PRAG1: variants seen among roughly 807,000 people sequenced by gnomAD.
PRAG1 encodes PEAK1 related, kinase-activating pseudokinase 1.
Under a neutral mutation model 95.6 loss-of-function variants are expected in PRAG1, and 110 were observed. The ratio of observed to expected loss-of-function variants is 1.15; its 90% CI spans 0.99 to 1.35. PRAG1 has a LOEUF of 1.35. PRAG1 is among the 40% of genes most tolerant of loss of function. The pLI is 0.00. For missense variants in PRAG1, 2,554 were observed against 1,864.7 expected, an observed-to-expected ratio of 1.37 and a Z score of -6.81; for synonymous variants, 1,052 against 819.4, an observed-to-expected ratio of 1.28 and a Z score of -4.85.
rs201275691 is a variant in PRAG1 at position 8,346,711 on chromosome 8, T to G, written c.2163-7076A>C. Reference sequence around the variant, plus strand: ...CCTTAACGGATGCGGGGCCCCAGTGTGCAGCAGAGAGTGAATCTCACACTT... The same window carrying G: ...CCTTAACGGATGCGGGGCCCCAGTGGGCAGCAGAGAGTGAATCTCACACTT... On this transcript the variant is annotated intron_variant, in intron 3 of 5. Transcript: ENST00000615670. Among the ~76,000 whole-genome samples, 3 of 152,346 alleles carry G rather than the reference T, an allele frequency of 2.0e-5. No homozygotes were observed. In the East Asian group the frequency reaches 5.8e-4, roughly 29 times the overall value.
chr8:8,381,421 C>A lies in PRAG1; in HGVS notation c.327G>T (p.Ser109=). The part of the protein sequence containing the change: ...WTEANLSAEV[S]QVIWRRAPGK... ...CACGAGTGTTAGTCAGCCTCACCTG[C>A]GAGACTTCGGCACTCAGGTTGGCCT... The change falls in exon 2 of 6, where the codon TCG becomes TCT. Residue 109 remains serine, a synonymous_variant. Transcript: ENST00000615670. The A allele has an allele frequency of 6.2e-6, 10 of 1,602,572 alleles. No homozygotes were observed. The highest frequency in any genetic ancestry group is 8.5e-6 in the Non-Finnish European group (10 of 1,170,670).
intron 5 of PRAG1, 132 bp downstream of exon 5, chr8:8,327,578 A>G (rs1446527805): frequency 1.8e-6 from 2 of 1,090,800 alleles, no homozygotes; most frequent in African/African-American, 3.2e-5. Flanking sequence ...CTTACAAGAA[A>G]AAAAAGAATG....
At chr8:8,374,823 C>T (rs17605677) in intron 3 of PRAG1, 7,231 of 331,070 alleles carry the variant, frequency 0.022, 99 homozygotes, top group Non-Finnish European at 0.027. Context: ...GTGCCTGAGA[C>T]GCCGTGATGT....
intron 3 of PRAG1, among the ~76,000 whole-genome samples, chr8:8,346,815 A>C (rs1333973312): frequency 6.6e-6 from 1 of 152,136 alleles, no homozygotes; most frequent in Non-Finnish European, 1.5e-5. Context: ...ACTGCCCCTG[A>C]CTTTTGTTTG....
intron 4 of PRAG1, among the ~76,000 whole-genome samples, chr8:8,332,895 C>T (rs543036809): frequency 6.6e-6 from 1 of 150,718 alleles, no homozygotes; most frequent in East Asian, 1.9e-4. Context: ...TATGTTCTTA[C>T]TGTTTGCAAC....
At chr8:8,328,776 G>A (rs1450828983) in intron 4 of PRAG1, among the ~76,000 whole-genome samples, 19 of 149,412 alleles carry the variant, frequency 1.3e-4, no homozygotes, top group African/African-American at 1.7e-4. Context: ...GCACGCGTGC[G>A]CACACACACA....
rs759572156 is a variant in PRAG1, at chr8:8,318,903, G to A, written c.3472C>T (p.Leu1158Phe). 10 of 1,585,556 alleles carry A rather than the reference G, an allele frequency of 6.3e-6. No individual in the cohort carries two copies. The African/African-American group carries it at 9.5e-5, about 15-fold the overall frequency. The change falls in exon 6 of 6, where the codon CTC (leucine) becomes TTC (phenylalanine). Residue 1158 changes from leucine (L) to phenylalanine (F), a missense_variant. Coordinates refer to ENST00000615670, the MANE Select transcript of PRAG1 (RefSeq NM_001080826.3). This position sits in a 1 kb window ranked among gnomAD's most constrained non-coding sequence, Gnocchi z 4.2. ...GGGGCGGGCCCGGGGCCGGCCTGGA[G>A]GGTGCAGTGCACCAGCAGCAGGTTC... ...LENLLLVHCT[L>F]QAGPGPAPAP...
chr8:8,318,649 C>A lies in PRAG1; in HGVS notation c.3726G>T (p.Glu1242Asp). Residue 1242 changes from glutamate to aspartate, a missense_variant, in exon 6 of 6, where the codon GAG (glutamate) becomes GAT (aspartate). Coordinates refer to ENST00000615670, the MANE Select transcript of PRAG1 (RefSeq NM_001080826.3). The surrounding 1 kb of genome is among the most constrained non-coding windows in gnomAD (Gnocchi z 4.2). ...TGCGGTACTGGGAAGCAGACACGAT[C>A]TCGGGGGCCAGCCGGGCCTGGCTCT... ...QKKSQARLAP[E>D]IVSASQYRKF... 3.1e-6 allele frequency: 5 copies of A among 1,612,364 alleles called. No individual in the cohort carries two copies. Among genetic ancestry groups the A allele is most frequent in the South Asian group, 1.1e-5 (1 of 91,054 alleles).
chr8:8,386,250 A>G (rs1474864449), intron 1 of PRAG1, 71 bp downstream of exon 1: 1 of 152,058 alleles, frequency 6.6e-6, no homozygotes, highest in Admixed American at 6.5e-5. Flanking sequence ...GCGCCCCTCC[A>G]AAGCTCCCCT....
Position 8,377,007 on chromosome 8 carries a change from G to A in PRAG1, c.1402C>T (p.Pro468Ser), listed in dbSNP as rs761674156. ...GWGRDSPDPT[P>S]QVSATITVMA... ...ACTGTGATGGTGGCTGACACCTGGG[G>A]AGTTGGGTCTGGGCTGTCCCGGCCC... Residue 468 changes from proline (P) to serine (S), a missense_variant, in exon 3 of 6, where the codon CCC (proline) becomes TCC (serine). Transcript: ENST00000615670. 5 of 1,613,782 alleles carry A rather than the reference G, an allele frequency of 3.1e-6. No homozygotes were observed. The highest frequency in any genetic ancestry group is 4.2e-6 in the Non-Finnish European group (5 of 1,179,986).
rs143521599 is a variant in PRAG1 at position 8,369,137 on chromosome 8, C to T, written c.2162+7110G>A. Among the ~76,000 whole-genome samples the T allele has an allele frequency of 5.1e-3, 776 of 151,772 alleles. 5 individuals carry two copies. The highest frequency in any genetic ancestry group is 0.018 in the African/African-American group (744 of 41,356). Reference sequence around the variant, plus strand: ...AATAGTTGCAGAATCATGATGGGTCCCCAGTGAAATATCAGGCCAGGAACT... The same window carrying T: ...AATAGTTGCAGAATCATGATGGGTCTCCAGTGAAATATCAGGCCAGGAACT... On this transcript the variant is annotated intron_variant, in intron 3 of 5. Coordinates refer to ENST00000615670, the MANE Select transcript of PRAG1 (RefSeq NM_001080826.3).
chr8:8,318,717 C>G lies in PRAG1; in HGVS notation c.3658G>C (p.Ala1220Pro). The part of the protein sequence containing the change: ...PRLIISNFLK[A>P]KQKPGGTPNL... ...GGGGTGCCGCCCGGCTTCTGCTTGG[C>G]CTTCAAAAAGTTGCTGATGATGAGC... Residue 1220 changes from alanine (A) to proline (P), a missense_variant, in exon 6 of 6, where the codon GCC becomes CCC. Ala to Pro is a conservative substitution (Grantham distance 27). Transcript: ENST00000615670. The surrounding 1 kb of genome is among the most constrained non-coding windows in gnomAD (Gnocchi z 4.2). The G allele has an allele frequency of 1.9e-6, 3 of 1,609,358 alleles. No individual in the cohort carries two copies. In the South Asian group the frequency reaches 3.3e-5, roughly 18 times the overall value.
intron 2 of PRAG1, among the ~76,000 whole-genome samples, chr8:8,380,266 G>T (rs1483628371): frequency 6.6e-6 from 1 of 151,088 alleles, no homozygotes; most frequent in Non-Finnish European, 1.5e-5. Context: ...CACTGAGACT[G>T]TCTCAAAAAA....
intron 3 of PRAG1, among the ~76,000 whole-genome samples, chr8:8,356,127 C>T (rs1799674166): frequency 6.6e-6 from 1 of 152,242 alleles, no homozygotes; most frequent in Admixed American, 6.5e-5. Context: ...TCTGAACAGA[C>T]ATTTATCTGA....
At chr8:8,365,379 T>C (rs1435417134) in intron 3 of PRAG1, among the ~76,000 whole-genome samples, 1 of 151,940 alleles carries the variant, frequency 6.6e-6, no homozygotes, top group Non-Finnish European at 1.5e-5. Flanking sequence ...ATCCCAACAC[T>C]GTGGGAGGCC....
chr8:8,382,934 T>G (rs943703144), intron 1 of PRAG1, among the ~76,000 whole-genome samples: 1 of 152,212 alleles, frequency 6.6e-6, no homozygotes, highest in African/African-American at 2.4e-5. Context: ...ATTTGCGCAT[T>G]GCTCCTGGCT....
chr8:8,377,545 G>A lies in PRAG1; in HGVS notation c.864C>T (p.Cys288=). The A allele has an allele frequency of 1.3e-6, 2 of 1,598,692 alleles. No homozygotes were observed. Among genetic ancestry groups the A allele is most frequent in the Non-Finnish European group, 1.7e-6 (2 of 1,171,972 alleles). The stretch of plus-strand genomic sequence containing the variant: ...GCCCGGAACACTTCCCCTGCTCCCA[G>A]CACGTGGGTGAGCAGTCCCTGCCAC... The part of the protein sequence containing the change: ...RHGGRDCSPT[C]WEQGKCSGPA... The change falls in exon 3 of 6, where the codon TGC becomes TGT. Residue 288 remains cysteine, a synonymous_variant. Coordinates refer to ENST00000615670, the MANE Select transcript of PRAG1 (RefSeq NM_001080826.3).
chr8:8,319,647 T>C (rs1267375085), intron 5 of PRAG1, among the ~76,000 whole-genome samples: 3 of 152,110 alleles, frequency 2.0e-5, no homozygotes, highest in Admixed American at 6.5e-5. Flanking sequence ...ATGTATGTAA[T>C]AAAGGACTTG....
chr8:8,338,891 A>G (rs953031315), intron 4 of PRAG1, among the ~76,000 whole-genome samples: 2 of 152,252 alleles, frequency 1.3e-5, no homozygotes, highest in African/African-American at 4.8e-5. Context: ...TGACCCATCC[A>G]GGCCACAACT....
Sources: gnomAD v4.1 joint callset for allele counts (sites outside exome capture counted in the v4.1 genomes callset) on GRCh38, gnomAD v4.1.1 for gene constraint, Gnocchi (gnomAD v3.1) non-coding constraint, MANE v1.5 for transcripts, NCBI Gene and HGNC (gene_info 2026-07-23, HGNC 2026-07-21) for gene names.